Variants in DCC observed in about 807,000 individuals in gnomAD.
DCC encodes the protein netrin receptor DCC.
Under a neutral mutation model 172.5 loss-of-function variants are expected in DCC, and 58 were observed. The ratio of observed to expected loss-of-function variants is 0.34; its 90% CI spans 0.27 to 0.42. The LOEUF (loss-of-function observed/expected upper bound fraction) is 0.42, where lower values mean the gene tolerates loss of function less well. DCC is among the 10% of genes least tolerant of loss of function. The probability of loss-of-function intolerance (pLI) is 1.00; values close to 1 mark genes in which losing one functional copy is unlikely to be tolerated. For synonymous variants in DCC, 709 were observed against 644.5 expected, an observed-to-expected ratio of 1.10 and a Z score of -1.52; for missense variants, 1,740 against 1,791.0, an observed-to-expected ratio of 0.97 and a Z score of 0.51.
At chr18:52,466,699 C>G (rs1411768174) in intron 1 of DCC, among the ~76,000 whole-genome samples, 1 of 152,070 alleles carries the variant, frequency 6.6e-6, no homozygotes, top group Non-Finnish European at 1.5e-5. Context: ...ATAGCTTAGG[C>G]TGAAATGAGA....
chr18:53,374,699 C>G (rs2058091883), intron 15 of DCC, among the ~76,000 whole-genome samples: 1 of 152,188 alleles, frequency 6.6e-6, no homozygotes, highest in Middle Eastern at 3.4e-3. Flanking sequence ...TATTCATACA[C>G]GTACCCACAC....
intron 1 of DCC, among the ~76,000 whole-genome samples, chr18:52,388,577 G>T (rs370886656): frequency 6.6e-6 from 1 of 150,670 alleles, no homozygotes; most frequent in Non-Finnish European, 1.5e-5. Context: ...AGAATGTGTA[G>T]GGGAAAAAAA....
chr18:52,879,412 C>CTTTTTTTTTTT (rs71175533), intron 2 of DCC, among the ~76,000 whole-genome samples: 864 of 62,196 alleles, frequency 0.014, 169 homozygotes, highest in Middle Eastern at 0.022. Context: ...TGTTGTTTGG[C>CTTTTTTTTTTT]TTTTTTTTTT....
intron 21 of DCC, among the ~76,000 whole-genome samples, chr18:53,433,598 T>C (rs1437344946): frequency 6.6e-6 from 1 of 152,216 alleles, no homozygotes; most frequent in Non-Finnish European, 1.5e-5. Flanking sequence ...TCAGCCAACG[T>C]TGATCTCACG....
At chr18:53,291,109 A>G (rs1598989134) in intron 12 of DCC, among the ~76,000 whole-genome samples, 1 of 152,244 alleles carries the variant, frequency 6.6e-6, no homozygotes, top group East Asian at 1.9e-4. Context: ...CGGACGTTGC[A>G]GTGAGCTGAG....
At chr18:52,672,115 CA>C (rs1364524583) in intron 1 of DCC, among the ~76,000 whole-genome samples, 1 of 151,976 alleles carries the variant, frequency 6.6e-6, no homozygotes, top group Non-Finnish European at 1.5e-5. Flanking sequence ...AAACAAAAAA[CA>C]AAAACAAAAC....
chr18:53,232,271 C>G (rs1330606923), intron 12 of DCC, among the ~76,000 whole-genome samples: 1 of 152,100 alleles, frequency 6.6e-6, no homozygotes. Context: ...TTGTCAGCTC[C>G]CTACTTGACT....
intron 2 of DCC, among the ~76,000 whole-genome samples, chr18:52,760,277 C>G (rs1358216799): frequency 6.6e-6 from 1 of 152,174 alleles, no homozygotes; most frequent in Non-Finnish European, 1.5e-5. Flanking sequence ...ACCATCAGAT[C>G]TCATGAGAAC....
chr18:53,057,079 T>TA (rs11316527), intron 5 of DCC, among the ~76,000 whole-genome samples: 2,537 of 89,330 alleles, frequency 0.028, 39 homozygotes, highest in South Asian at 0.047. Flanking sequence ...CTTCTAAAAG[T>TA]AAAAAAAAAA....
chr18:52,912,612 C>G (rs1029495314), intron 3 of DCC, among the ~76,000 whole-genome samples: 2 of 151,936 alleles, frequency 1.3e-5, no homozygotes, highest in African/African-American at 4.8e-5. Flanking sequence ...TTTTCCTTTG[C>G]TGTATGATAT....
At chr18:52,509,103 CTG>C (rs1020087257) in intron 1 of DCC, among the ~76,000 whole-genome samples, 1 of 152,084 alleles carries the variant, frequency 6.6e-6, no homozygotes, top group Non-Finnish European at 1.5e-5. Context: ...ATTTTTTCAA[CTG>C]TAAATTTTAT....
At chr18:52,528,584 C>G (rs555859168) in intron 1 of DCC, among the ~76,000 whole-genome samples, 1 of 152,138 alleles carries the variant, frequency 6.6e-6, no homozygotes, top group Admixed American at 6.5e-5. Flanking sequence ...TTTTAAGATC[C>G]ATCAGCCCTG....
intron 27 of DCC, among the ~76,000 whole-genome samples, chr18:53,499,926 C>A (rs1195596389): frequency 6.6e-6 from 1 of 152,142 alleles, no homozygotes; most frequent in Non-Finnish European, 1.5e-5. Context: ...AATCATAATT[C>A]TAATTTGTGC....
intron 1 of DCC, among the ~76,000 whole-genome samples, chr18:52,365,415 A>G (rs1482955225): frequency 1.3e-5 from 2 of 152,252 alleles, no homozygotes; most frequent in African/African-American, 2.4e-5. Context: ...TAAAGGAATT[A>G]AAATTTATTT....
chr18:52,573,133 G>A (rs1381927576), intron 1 of DCC, among the ~76,000 whole-genome samples: 1 of 151,654 alleles, frequency 6.6e-6, no homozygotes, highest in African/African-American at 2.4e-5. Flanking sequence ...TCCAAATAAT[G>A]GCTTATTCTC....
intron 1 of DCC, among the ~76,000 whole-genome samples, chr18:52,580,023 A>G (rs1474585056): frequency 2.6e-5 from 4 of 152,222 alleles, no homozygotes; most frequent in Non-Finnish European, 1.5e-5. Context: ...TTTGCAACTA[A>G]AAGTTGCTAT....
At chr18:52,889,589 A>C (rs2039619419) in intron 2 of DCC, among the ~76,000 whole-genome samples, 1 of 152,154 alleles carries the variant, frequency 6.6e-6, no homozygotes, top group Non-Finnish European at 1.5e-5. Flanking sequence ...ATTGGGTTCT[A>C]CGTTTCAGAA....
chr18:52,702,383 A>T (rs141409237), intron 1 of DCC, among the ~76,000 whole-genome samples: 1,695 of 152,118 alleles, frequency 0.011, 28 homozygotes, highest in African/African-American at 0.039. Context: ...CCACCCCAAA[A>T]CTAGAATCAT....
intron 5 of DCC, among the ~76,000 whole-genome samples, chr18:52,930,256 C>T (rs1026504682): frequency 6.6e-6 from 1 of 152,070 alleles, no homozygotes; most frequent in Non-Finnish European, 1.5e-5. Flanking sequence ...TGAGCCATCG[C>T]ACCCAACCTT....
Sources: gnomAD v4.1 joint callset for allele counts (sites outside exome capture counted in the v4.1 genomes callset) on GRCh38, gnomAD v4.1.1 for gene constraint, MANE v1.5 for transcripts, NCBI Gene and HGNC (gene_info 2026-07-23, HGNC 2026-07-21) for gene names.